TNRC6B: variants seen among roughly 807,000 people sequenced by gnomAD.
The protein encoded by TNRC6B is trinucleotide repeat-containing gene 6B protein.
In TNRC6B, 52 loss-of-function variants were observed where a neutral mutation model predicts 203.6. That is an observed-to-expected ratio of 0.26 (90% CI 0.20 to 0.32). TNRC6B has a LOEUF of 0.32. Among genes scored for constraint, TNRC6B ranks in the 10% least tolerant of loss-of-function variants. The pLI is 1.00. For missense variants in TNRC6B, 1,923 were observed against 2,286.2 expected (o/e 0.84, Z 3.24); for synonymous variants, 838 against 845.7 (o/e 0.99, Z 0.16).
chr22:40,308,495 G>A lies in TNRC6B; in HGVS notation c.4121-17G>A. On this transcript the variant is annotated splice_polypyrimidine_tract_variant and intron_variant, in intron 15 of 22. Coordinates refer to ENST00000454349, the MANE Select transcript of TNRC6B (RefSeq NM_001162501.2). ...CTGATGCTGGAGACTTATAAAATGTGGTCTTCTCCTTTTTAGGCTTCAGCT... is the reference window on the plus strand; with the variant it reads ...CTGATGCTGGAGACTTATAAAATGTAGTCTTCTCCTTTTTAGGCTTCAGCT... 1.2e-6 allele frequency: 2 copies of A among 1,613,772 alleles called. No homozygotes were observed. Among genetic ancestry groups the A allele is most frequent in the Non-Finnish European group, 1.7e-6 (2 of 1,179,766 alleles).
chr22:40,130,779 TAAAAAAAA>T (rs200268757), intron 3 of TNRC6B, among the ~76,000 whole-genome samples: 4 of 65,066 alleles, frequency 6.1e-5, no homozygotes, highest in East Asian at 5.0e-4. Flanking sequence ...AGACTCCGTC[TAAAAAAAA>T]AAAAAAAAAA....
intron 12 of TNRC6B, among the ~76,000 whole-genome samples, chr22:40,298,009 C>T (rs534987360): frequency 1.0e-3 from 158 of 151,160 alleles, no homozygotes; most frequent in Non-Finnish European, 1.7e-3. Context: ...CCTGTAGTCC[C>T]AGCTATTCGG....
chr22:40,316,364 AC>A (rs1886407890), intron 21 of TNRC6B, among the ~76,000 whole-genome samples: 1 of 150,116 alleles, frequency 6.7e-6, no homozygotes, highest in African/African-American at 2.5e-5. Context: ...AAAAAAAAAA[AC>A]AAAAAAAAAA....
chr22:40,081,394 G>A (rs1250537281), intron 1 of TNRC6B, among the ~76,000 whole-genome samples: 2 of 147,482 alleles, frequency 1.4e-5, no homozygotes, highest in African/African-American at 2.5e-5. Flanking sequence ...ACTGCTGAGA[G>A]GTCACCTCTG....
chr22:40,098,703 G>A (rs2068207918), intron 1 of TNRC6B, among the ~76,000 whole-genome samples: 1 of 151,942 alleles, frequency 6.6e-6, no homozygotes, highest in South Asian at 2.1e-4. Context: ...GGTTTCATCT[G>A]CTACTGTCAT....
chr22:40,271,210 G>A (rs913808389), intron 6 of TNRC6B, among the ~76,000 whole-genome samples: 2 of 152,198 alleles, frequency 1.3e-5, no homozygotes, highest in African/African-American at 2.4e-5. Context: ...CTCATTGACT[G>A]TTGCTAAATT....
intron 4 of TNRC6B, among the ~76,000 whole-genome samples, chr22:40,159,063 C>T (rs980909368): frequency 2.2e-4 from 33 of 151,588 alleles, no homozygotes; most frequent in Admixed American, 7.9e-4. Flanking sequence ...CCCGGGTTCA[C>T]GCCATTCTCC....
At chr22:40,205,939 C>T (rs1175370127) in intron 1 of TNRC6B, among the ~76,000 whole-genome samples, 1 of 152,116 alleles carries the variant, frequency 6.6e-6, no homozygotes, top group African/African-American at 2.4e-5. Context: ...AAGGGGTGAT[C>T]CACGCAATAG....
At chr22:40,223,922 C>G (rs906662635) in intron 1 of TNRC6B, among the ~76,000 whole-genome samples, 3 of 152,210 alleles carry the variant, frequency 2.0e-5, no homozygotes, top group Non-Finnish European at 4.4e-5. Flanking sequence ...TTACCTTGGA[C>G]ACAAGGTAAC....
At chr22:40,201,963 A>G (rs2069418211) in intron 1 of TNRC6B, among the ~76,000 whole-genome samples, 1 of 152,132 alleles carries the variant, frequency 6.6e-6, no homozygotes, top group Admixed American at 6.6e-5. Context: ...AATAAGGAAT[A>G]CTCAATTTGT....
chr22:40,114,819 C>T (rs1388029121), intron 1 of TNRC6B, among the ~76,000 whole-genome samples: 4 of 152,064 alleles, frequency 2.6e-5, no homozygotes, highest in Admixed American at 6.6e-5. Flanking sequence ...GTAGGATTAC[C>T]GTGTAGTTCT....
At chr22:40,070,466 TCACTC>T (rs2067937586) in intron 1 of TNRC6B, among the ~76,000 whole-genome samples, 2 of 152,232 alleles carry the variant, frequency 1.3e-5, no homozygotes. Context: ...AACTTTGTCT[TCACTC>T]CATTCTGATA....
chr22:40,287,794 G>A (rs1306853266), intron 12 of TNRC6B, among the ~76,000 whole-genome samples: 1 of 152,224 alleles, frequency 6.6e-6, no homozygotes, highest in Non-Finnish European at 1.5e-5. Flanking sequence ...GCCTCTTGGA[G>A]TTGGTGGCAG....
At chr22:40,088,986 A>G (rs779858213) in intron 1 of TNRC6B, among the ~76,000 whole-genome samples, 4 of 152,156 alleles carry the variant, frequency 2.6e-5, no homozygotes, top group Non-Finnish European at 5.9e-5. Context: ...AAGAACTGCA[A>G]CAAACAGTAG....
intron 4 of TNRC6B, among the ~76,000 whole-genome samples, chr22:40,164,867 C>T (rs776468031): frequency 1.5e-4 from 23 of 150,820 alleles, no homozygotes; most frequent in Non-Finnish European, 1.5e-4. Context: ...CTGCAACCTC[C>T]GCCTCCAGGG....
Position 40,262,161 on chromosome 22 carries a change from G to A in TNRC6B, c.445G>A (p.Gly149Arg). 7.1e-7 allele frequency: 1 copy of A among 1,417,546 alleles called. No homozygotes were observed. The highest frequency in any genetic ancestry group is 9.4e-7 in the Non-Finnish European group (1 of 1,067,226). 87.8% of individuals were successfully genotyped at this position (1,417,546 alleles called of 1,614,324 possible). Residue 149 changes from glycine to arginine, a missense_variant, in exon 4 of 23, where the codon GGG becomes AGG. Around this residue, in one of 8 missense-constraint regions of TNRC6B, gnomAD observed 614 missense variants for 587.7 expected, o/e 1.04. Transcript: ENST00000454349. ...VTGALLQSESGTAPDSTLGGA... is the reference protein window; with the variant it reads ...VTGALLQSESRTAPDSTLGGA... Reference sequence around the variant, plus strand: ...AGGAGCGCTGCTGCAGAGTGAGAGTGGGACTGCGCCAGGTAAGGCACCCTG... The same window carrying A: ...AGGAGCGCTGCTGCAGAGTGAGAGTAGGACTGCGCCAGGTAAGGCACCCTG...
At chr22:40,083,748 T>G (rs2068079114) in intron 1 of TNRC6B, among the ~76,000 whole-genome samples, 1 of 152,026 alleles carries the variant, frequency 6.6e-6, no homozygotes, top group South Asian at 2.1e-4. Context: ...CCACTTCTGT[T>G]GAAATAGGGG....
intron 1 of TNRC6B, among the ~76,000 whole-genome samples, chr22:40,224,785 G>A (rs181313777): frequency 1.3e-5 from 2 of 151,930 alleles, no homozygotes; most frequent in African/African-American, 2.4e-5. Context: ...TTATTTTCAC[G>A]CAAGGTATGA....
intron 21 of TNRC6B, among the ~76,000 whole-genome samples, chr22:40,318,553 A>G (rs921331107): frequency 2.6e-5 from 4 of 152,070 alleles, no homozygotes; most frequent in African/African-American, 9.7e-5. Context: ...TCTCAGAGAA[A>G]AAAAAATTTT....
Sources: allele counts gnomAD v4.1 joint callset (sites outside exome capture counted in the v4.1 genomes callset), GRCh38; gene constraint gnomAD v4.1.1; regional missense constraint gnomAD v4.1.1; transcripts MANE v1.5; gene names NCBI Gene and HGNC (gene_info 2026-07-23, HGNC 2026-07-21).